The following DGLUCY variants were observed in gnomAD, a reference collection of about 807,000 sequenced individuals.
DGLUCY encodes the protein D-glutamate cyclase, mitochondrial.
DGLUCY carries 58 observed loss-of-function variants against 58.5 expected under a neutral mutation model. The observed-to-expected ratio is 0.99, with a 90% CI of 0.80 to 1.23. The LOEUF (loss-of-function observed/expected upper bound fraction) is 1.23, where lower values mean the gene tolerates loss of function less well. Ranked by LOEUF, DGLUCY falls within the 50% of genes most tolerant of loss-of-function variation. The pLI is 0.00. For missense variants in DGLUCY, 779 were observed against 784.7 expected (o/e 0.99, Z 0.09); for synonymous variants, 325 against 314.1 (o/e 1.03, Z -0.37).
chr14:91,129,176 T>G (rs2045890885), intron 1 of DGLUCY, among the ~76,000 whole-genome samples: 2 of 152,160 alleles, frequency 1.3e-5, no homozygotes, highest in South Asian at 4.2e-4. Context: ...TTGTGAAATC[T>G]ATATACATAT....
chr14:91,142,840 A>AACACACACACAC (rs558892923), intron 1 of DGLUCY, among the ~76,000 whole-genome samples: 54 of 124,302 alleles, frequency 4.3e-4, no homozygotes, highest in African/African-American at 1.1e-3. Flanking sequence ...ATCTCTACTA[A>AACACACACACAC]ACACACACAC....
At chr14:91,095,724 GA>G (rs2044383395) in intron 1 of DGLUCY, among the ~76,000 whole-genome samples, 1 of 152,142 alleles carries the variant, frequency 6.6e-6, no homozygotes, top group African/African-American at 2.4e-5. Context: ...AATGGGGGGA[GA>G]AAAATGGCAG....
chr14:91,071,911 A>C (rs1218419165), intron 1 of DGLUCY, among the ~76,000 whole-genome samples: 1 of 152,082 alleles, frequency 6.6e-6, no homozygotes, highest in African/African-American at 2.4e-5. Flanking sequence ...AAACTCTTAT[A>C]CTGTGAACAT....
chr14:91,221,443 G>A (rs1887480157), intron 13 of DGLUCY, among the ~76,000 whole-genome samples: 2 of 151,956 alleles, frequency 1.3e-5, no homozygotes, highest in Non-Finnish European at 2.9e-5. Flanking sequence ...TGCATGGATG[G>A]ATGGGTGATG....
At chr14:91,177,663 T>G (rs1225450929) in intron 7 of DGLUCY, among the ~76,000 whole-genome samples, 1 of 152,264 alleles carries the variant, frequency 6.6e-6, no homozygotes, top group Non-Finnish European at 1.5e-5. Context: ...ACACTTGCGC[T>G]GTAAGCACAT....
intron 11 of DGLUCY, among the ~76,000 whole-genome samples, chr14:91,204,308 C>A (rs924172147): frequency 6.6e-6 from 1 of 152,132 alleles, no homozygotes; most frequent in African/African-American, 2.4e-5. Context: ...TCAGCAGAAG[C>A]CTTTAAAGTA....
In DGLUCY at chr14:91,222,954, C is replaced by T. The variant is rs184860009; in HGVS notation, c.1717-1730C>T. On this transcript the variant is annotated intron_variant, in intron 13 of 13. Coordinates refer to ENST00000256324, the MANE Select transcript of DGLUCY (RefSeq NM_001102368.3). ...CTGAGTCCGCATGTGGTGGAGAGAG[C>T]GAGAGCTCTGGTTTCTCTTTTTCTT... 9.8e-5 allele frequency among the ~76,000 whole-genome samples: 15 copies of T among 152,300 alleles called. No homozygotes were observed. The East Asian group carries it at 2.9e-3, about 29-fold the overall frequency.
intron 3 of DGLUCY, among the ~76,000 whole-genome samples, chr14:91,166,910 T>TCCAA (rs2048314538): frequency 6.6e-6 from 1 of 152,054 alleles, no homozygotes; most frequent in African/African-American, 2.4e-5. Flanking sequence ...GACCAGCCTG[T>TCCAA]CCAACATGGA....
upstream of DGLUCY, among the ~76,000 whole-genome samples, chr14:91,106,706 C>A (rs75975329): frequency 3.6e-3 from 500 of 138,884 alleles, no homozygotes; most frequent in Middle Eastern, 7.4e-3. Context: ...GACTCTGTCT[C>A]AAAAAAAAAA....
At chr14:91,063,631 G>T (rs947201813) in intron 1 of DGLUCY, among the ~76,000 whole-genome samples, 1 of 152,214 alleles carries the variant, frequency 6.6e-6, no homozygotes, top group Non-Finnish European at 1.5e-5. Flanking sequence ...AATATGGAGG[G>T]ATCAAAATTT....
intron 1 of DGLUCY, among the ~76,000 whole-genome samples, chr14:91,061,654 CAG>C (rs1475493847): frequency 6.6e-6 from 1 of 152,134 alleles, no homozygotes; most frequent in Non-Finnish European, 1.5e-5. Context: ...ACATTCCACA[CAG>C]AGAGAGTAAC....
intron 1 of DGLUCY, among the ~76,000 whole-genome samples, chr14:91,088,079 G>T (rs2044251116): frequency 6.6e-6 from 1 of 152,118 alleles, no homozygotes; most frequent in Admixed American, 6.6e-5. Context: ...GTCAGAGGAA[G>T]ATGTTCCAGG....
At chr14:91,081,990 CA>C (rs1355205929) in intron 1 of DGLUCY, among the ~76,000 whole-genome samples, 1 of 152,186 alleles carries the variant, frequency 6.6e-6, no homozygotes. Flanking sequence ...TTCATGATTA[CA>C]TTGGGCCCAC....
chr14:91,116,599 C>G (rs1040400399), intron 1 of DGLUCY, among the ~76,000 whole-genome samples: 4 of 151,938 alleles, frequency 2.6e-5, no homozygotes, highest in Non-Finnish European at 5.9e-5. Flanking sequence ...GTGCAAGAAG[C>G]AACTGGGGGC....
chr14:91,170,287 G>C lies in DGLUCY; in HGVS notation c.456+86G>C, dbSNP rs1048327223. 24 of 1,410,560 alleles carry C rather than the reference G, an allele frequency of 1.7e-5. No individual in the cohort carries two copies. In the East Asian group the frequency reaches 2.9e-4, roughly 17 times the overall value. 87.4% of individuals were successfully genotyped at this position (1,410,560 alleles called of 1,614,324 possible). ...ATATTCCTGGGGTGGGGAGAACATG[G>C]GCACGGGAGGTGGAAAACCTAAGCT... On this transcript the variant is annotated intron_variant, in intron 5 of 13. Transcript: ENST00000256324.
chr14:91,221,180 C>G (rs1245852685), intron 13 of DGLUCY, among the ~76,000 whole-genome samples: 1 of 152,228 alleles, frequency 6.6e-6, no homozygotes. Flanking sequence ...GCCATCAGCC[C>G]AGGGCATAGC....
intron 12 of DGLUCY, among the ~76,000 whole-genome samples, chr14:91,211,654 A>G (rs1308423449): frequency 6.6e-6 from 1 of 152,258 alleles, no homozygotes; most frequent in African/African-American, 2.4e-5. Context: ...CAATCTAGAC[A>G]TATAGACGTT....
At chr14:91,124,055 G>A (rs1036412729) in intron 1 of DGLUCY, among the ~76,000 whole-genome samples, 4 of 151,420 alleles carry the variant, frequency 2.6e-5, no homozygotes, top group African/African-American at 9.7e-5. Flanking sequence ...AACTTCCTGA[G>A]TAGCTGGGAC....
chr14:91,093,230 T>C (rs1216320227), intron 1 of DGLUCY, among the ~76,000 whole-genome samples: 4 of 152,232 alleles, frequency 2.6e-5, no homozygotes, highest in Non-Finnish European at 5.9e-5. Context: ...GAGCACTAGT[T>C]GCTAGGTGCT....
Sources: allele counts gnomAD v4.1 joint callset (sites outside exome capture counted in the v4.1 genomes callset), GRCh38; gene constraint gnomAD v4.1.1; transcripts MANE v1.5; gene names NCBI Gene and HGNC (gene_info 2026-07-23, HGNC 2026-07-21).